Variants in EYA4 observed in about 807,000 individuals in gnomAD.
EYA4 encodes the protein EYA transcriptional coactivator and phosphatase 4, also known as protein phosphatase EYA4.
EYA4 carries 31 observed loss-of-function variants against 87.9 expected under a neutral mutation model. That is an observed-to-expected ratio of 0.35 (90% CI 0.27 to 0.48). The LOEUF (loss-of-function observed/expected upper bound fraction) is 0.48, where lower values mean the gene tolerates loss of function less well. Among genes scored for constraint, EYA4 ranks in the 20% least tolerant of loss-of-function variants. EYA4 has a pLI of 0.99. For missense variants in EYA4, 678 were observed against 761.4 expected (o/e 0.89, Z 1.29); for synonymous variants, 263 against 270.6 (o/e 0.97, Z 0.28).
chr6:133,389,806 C>G (rs1163781310), intron 3 of EYA4, among the ~76,000 whole-genome samples: 1 of 152,162 alleles, frequency 6.6e-6, no homozygotes, highest in Non-Finnish European at 1.5e-5. Flanking sequence ...TATAGCCCCC[C>G]CAATTTTCTA....
At chr6:133,312,771 C>T (rs544801999) in intron 2 of EYA4, among the ~76,000 whole-genome samples, 77 of 152,256 alleles carry the variant, frequency 5.1e-4, no homozygotes, top group African/African-American at 1.8e-3. Context: ...TCTTTGCTTC[C>T]ATCCTCTTTT....
chr6:133,274,572 G>T, intron 1 of EYA4, 144 bp from the exon 2 acceptor site: 1 of 592,190 alleles, frequency 1.7e-6, no homozygotes. Context: ...ATCAGATATG[G>T]AGACAATATT....
At chr6:133,302,688 T>G (rs188034042) in intron 2 of EYA4, among the ~76,000 whole-genome samples, 1 of 152,346 alleles carries the variant, frequency 6.6e-6, no homozygotes, top group Non-Finnish European at 1.5e-5. Context: ...CTCAAATTGG[T>G]ATAAGTTTTA....
chr6:133,403,841 G>A (rs1001947455), intron 3 of EYA4, among the ~76,000 whole-genome samples: 4 of 151,986 alleles, frequency 2.6e-5, no homozygotes, highest in South Asian at 2.1e-4. Context: ...ATGGAGTTTC[G>A]CCTTTGTTAC....
chr6:133,273,691 G>T (rs1377962695), intron 1 of EYA4, among the ~76,000 whole-genome samples: 1 of 151,986 alleles, frequency 6.6e-6, no homozygotes, highest in African/African-American at 2.4e-5. Flanking sequence ...ATTAGAATTT[G>T]AACACTAGAA....
intron 13 of EYA4, among the ~76,000 whole-genome samples, chr6:133,496,399 C>T (rs907507328): frequency 6.6e-6 from 1 of 152,108 alleles, no homozygotes; most frequent in Non-Finnish European, 1.5e-5. Context: ...CACATATGAC[C>T]GAGAGCATCA....
At chr6:133,497,825 G>A (rs1449159784) in intron 13 of EYA4, among the ~76,000 whole-genome samples, 6 of 152,086 alleles carry the variant, frequency 3.9e-5, no homozygotes, top group Admixed American at 3.3e-4. Flanking sequence ...TTATTCCACA[G>A]TAAGGACACA....
intron 3 of EYA4, among the ~76,000 whole-genome samples, chr6:133,392,386 A>G (rs1787376989): frequency 6.6e-6 from 1 of 152,178 alleles, no homozygotes; most frequent in South Asian, 2.1e-4. Flanking sequence ...TCAATAACCT[A>G]GAGCCCAGAT....
chr6:133,393,631 AT>A (rs1295395250), intron 3 of EYA4, among the ~76,000 whole-genome samples: 1 of 152,230 alleles, frequency 6.6e-6, no homozygotes, highest in Admixed American at 6.5e-5. Context: ...AGAGTTCAAA[AT>A]TTGAAATAGC....
intron 2 of EYA4, among the ~76,000 whole-genome samples, chr6:133,315,432 A>G (rs962164386): frequency 2.0e-5 from 3 of 152,228 alleles, no homozygotes; most frequent in Non-Finnish European, 4.4e-5. Context: ...AGAAAATTAC[A>G]TTAAAATTAC....
intron 2 of EYA4, among the ~76,000 whole-genome samples, chr6:133,279,470 T>C (rs1223749627): frequency 6.6e-6 from 1 of 152,154 alleles, no homozygotes; most frequent in Non-Finnish European, 1.5e-5. Flanking sequence ...TTTTTAAATA[T>C]AATACATTTA....
chr6:133,509,658 C>T (rs1798968899), intron 14 of EYA4, among the ~76,000 whole-genome samples: 1 of 152,164 alleles, frequency 6.6e-6, no homozygotes, highest in African/African-American at 2.4e-5. Context: ...AAAGAAGTCT[C>T]AGGAAGTTTG....
chr6:133,433,513 G>T (rs542645683), intron 3 of EYA4, among the ~76,000 whole-genome samples: 2 of 152,240 alleles, frequency 1.3e-5, no homozygotes, highest in Admixed American at 1.3e-4. Flanking sequence ...GCGCCACCAC[G>T]CCCAGCTAAT....
intron 2 of EYA4, among the ~76,000 whole-genome samples, chr6:133,333,673 G>T (rs2128390054): frequency 6.6e-6 from 1 of 152,244 alleles, no homozygotes; most frequent in Non-Finnish European, 1.5e-5. Flanking sequence ...CCACAGCAAT[G>T]TCTAACACCA....
chr6:133,294,053 ATATATATAT>A (rs1778735092), intron 2 of EYA4, among the ~76,000 whole-genome samples: 2 of 131,130 alleles, frequency 1.5e-5, no homozygotes, highest in African/African-American at 5.8e-5. Flanking sequence ...ATATATATAT[ATATATATAT>A]AATTCTATTC....
chr6:133,456,032 A>C (rs1025317163), intron 5 of EYA4, among the ~76,000 whole-genome samples: 5 of 152,004 alleles, frequency 3.3e-5, no homozygotes, highest in African/African-American at 1.2e-4. Context: ...GAAGCCCAAC[A>C]CCTTATAGCT....
intron 1 of EYA4, among the ~76,000 whole-genome samples, 197 bp downstream of exon 1, chr6:133,241,946 G>A (rs1385692204): frequency 6.6e-6 from 1 of 152,196 alleles, no homozygotes; most frequent in Admixed American, 6.5e-5. Context: ...CCCCACGCCT[G>A]AGGGCCCGGG....
At chr6:133,442,537 G>T (rs1792411420) in intron 3 of EYA4, among the ~76,000 whole-genome samples, 1 of 151,900 alleles carries the variant, frequency 6.6e-6, no homozygotes, top group Non-Finnish European at 1.5e-5. Flanking sequence ...TGTAACTTTG[G>T]TAAATTCACT....
chr6:133,290,001 T>G (rs1014746869), intron 2 of EYA4, among the ~76,000 whole-genome samples: 1 of 152,226 alleles, frequency 6.6e-6, no homozygotes, highest in Non-Finnish European at 1.5e-5. Flanking sequence ...TAAACTGTTG[T>G]GGTTGACACA....
Sources: gnomAD v4.1 joint callset for allele counts (sites outside exome capture counted in the v4.1 genomes callset) on GRCh38, gnomAD v4.1.1 for gene constraint, MANE v1.5 for transcripts, NCBI Gene and HGNC (gene_info 2026-07-23, HGNC 2026-07-21) for gene names.